The following MBNL1 variants were observed in gnomAD, a reference collection of about 807,000 sequenced individuals.
MBNL1 encodes muscleblind-like protein 1.
In MBNL1, 8 loss-of-function variants were observed where a neutral mutation model predicts 42.2. The ratio of observed to expected loss-of-function variants is 0.19; its 90% confidence interval spans 0.11 to 0.34. The LOEUF (loss-of-function observed/expected upper bound fraction) is 0.34, where lower values mean the gene tolerates loss of function less well. Ranked by LOEUF, MBNL1 falls within the 10% of genes least tolerant of loss-of-function variation. The pLI, the probability that MBNL1 is intolerant of heterozygous loss-of-function variation, is 1.00. For missense variants in MBNL1, 309 were observed against 495.3 expected (o/e 0.62, Z 3.57); for synonymous variants, 169 against 173.9 (o/e 0.97, Z 0.22).
chr3:152,396,479 C>T (rs2097943075), intron 2 of MBNL1, among the ~76,000 whole-genome samples: 1 of 152,078 alleles, frequency 6.6e-6, no homozygotes, highest in African/African-American at 2.4e-5. Context: ...AATCCTTTCA[C>T]CTCTCTGAGC....
intron 3 of MBNL1, among the ~76,000 whole-genome samples, chr3:152,431,902 A>G (rs1306223412): frequency 6.6e-6 from 1 of 152,242 alleles, no homozygotes; most frequent in Non-Finnish European, 1.5e-5. Context: ...TTGCATATCA[A>G]CAAATAGAAA....
chr3:152,316,236 C>T (rs767375161), intron 2 of MBNL1, among the ~76,000 whole-genome samples: 1 of 152,162 alleles, frequency 6.6e-6, no homozygotes, highest in Admixed American at 6.5e-5. Flanking sequence ...AAAAAATGCA[C>T]GTTAAACCTG....
intron 2 of MBNL1, among the ~76,000 whole-genome samples, chr3:152,373,603 C>G (rs1207893070): frequency 2.6e-5 from 4 of 152,104 alleles, no homozygotes; most frequent in Non-Finnish European, 5.9e-5. Context: ...TGAGGTGATG[C>G]ACCCCCCCTG....
intron 2 of MBNL1, among the ~76,000 whole-genome samples, chr3:152,356,151 A>T (rs1011822329): frequency 1.3e-5 from 2 of 152,136 alleles, no homozygotes; most frequent in African/African-American, 4.8e-5. Context: ...CTAAGAAAAA[A>T]AATCTAACTT....
rs2098743272 is a variant in MBNL1 at position 152,418,628 on chromosome 3, AAAAG to A, written c.345+3519_345+3522del. Reference sequence around the variant, plus strand: ...GACCCTGTCTCTAAAAAAAAAAAAAAAAAGAGAGAGAGAGAGAGAGATCTCTGAC... The same window carrying A: ...GACCCTGTCTCTAAAAAAAAAAAAAAAGAGAGAGAGAGAGAGATCTCTGAC... On this transcript the variant is annotated intron_variant, in intron 3 of 9. Transcript: ENST00000324210. 2.0e-5 allele frequency among the ~76,000 whole-genome samples: 3 copies of A among 150,532 alleles called. No individual in the cohort carries two copies. The South Asian group carries it at 6.3e-4, about 32-fold the overall frequency.
intron 2 of MBNL1, among the ~76,000 whole-genome samples, chr3:152,387,076 G>A (rs1166527311): frequency 6.6e-6 from 1 of 152,018 alleles, no homozygotes; most frequent in Non-Finnish European, 1.5e-5. Context: ...AGCTTTAATA[G>A]TCTTTAGTTC....
At chr3:152,424,667 C>T (rs2098880642) in intron 3 of MBNL1, among the ~76,000 whole-genome samples, 1 of 152,064 alleles carries the variant, frequency 6.6e-6, no homozygotes, top group African/African-American at 2.4e-5. Flanking sequence ...ATCACACTAC[C>T]TGACTTCATA....
chr3:152,259,639 AAG>A (rs1267914621), intron 2 of MBNL1, among the ~76,000 whole-genome samples: 1 of 152,234 alleles, frequency 6.6e-6, no homozygotes, highest in Non-Finnish European at 1.5e-5. Flanking sequence ...CTGCAACAGC[AAG>A]AGCATAGTAC....
intron 2 of MBNL1, among the ~76,000 whole-genome samples, chr3:152,411,292 TG>T (rs1342918425): frequency 2.0e-5 from 3 of 152,146 alleles, no homozygotes; most frequent in African/African-American, 2.4e-5. Context: ...GAGGCCAAGA[TG>T]GGTGGATCAT....
Position 152,282,985 on chromosome 3 carries a change from G to T in MBNL1, c.-790+13893G>T, listed in dbSNP as rs150520357. ...GCAGAATGCTGTGACAGCCAGGGCT[G>T]ATACAGCTGAAAATATCTGCAGCTT... On this transcript the variant is annotated intron_variant, in intron 1 of 9. Coordinates refer to ENST00000324210, the MANE Select transcript of MBNL1 (RefSeq NM_021038.5). Among the ~76,000 whole-genome samples, 26 of 152,324 alleles carry T rather than the reference G, an allele frequency of 1.7e-4. No individual in the cohort carries two copies. In the East Asian group the frequency reaches 3.7e-3, roughly 21 times the overall value.
intron 2 of MBNL1, among the ~76,000 whole-genome samples, chr3:152,357,344 T>C (rs1313184622): frequency 6.6e-6 from 1 of 152,208 alleles, no homozygotes; most frequent in African/African-American, 2.4e-5. Flanking sequence ...TAGAGCCAAT[T>C]TTCTTATCGC....
intron 4 of MBNL1, among the ~76,000 whole-genome samples, chr3:152,437,629 T>C (rs961518150): frequency 6.6e-6 from 1 of 152,202 alleles, no homozygotes; most frequent in African/African-American, 2.4e-5. Flanking sequence ...TTTTTAAAAA[T>C]TATATACATA....
intron 2 of MBNL1, among the ~76,000 whole-genome samples, chr3:152,386,622 A>G (rs747331096): frequency 6.6e-6 from 1 of 152,090 alleles, no homozygotes; most frequent in Non-Finnish European, 1.5e-5. Flanking sequence ...TGTACAGATG[A>G]TACATCTATC....
chr3:152,323,707 C>G (rs979360705), intron 2 of MBNL1, among the ~76,000 whole-genome samples: 2 of 152,104 alleles, frequency 1.3e-5, no homozygotes, highest in Non-Finnish European at 2.9e-5. Flanking sequence ...TCAAAACATA[C>G]TCAAACGTAG....
intron 2 of MBNL1, among the ~76,000 whole-genome samples, chr3:152,301,165 G>C (rs1190371259): frequency 6.6e-6 from 1 of 152,050 alleles, no homozygotes; most frequent in African/African-American, 2.4e-5. Flanking sequence ...ATTTACTTTA[G>C]TGTTTCTTGA....
chr3:152,267,147 GCCTCAAT>G (rs1337137388), upstream of MBNL1: 1 of 152,506 alleles, frequency 6.6e-6, no homozygotes, highest in Non-Finnish European at 1.5e-5. Flanking sequence ...CAAACTCCTG[GCCTCAAT>G]CCTCCCTCCA....
chr3:152,426,939 T>C (rs2098940914), intron 3 of MBNL1, among the ~76,000 whole-genome samples: 1 of 152,262 alleles, frequency 6.6e-6, no homozygotes, highest in Non-Finnish European at 1.5e-5. Context: ...TGCAGAATGC[T>C]TTGAAGTCAT....
chr3:152,256,165 T>A (rs323622), intron 2 of MBNL1, among the ~76,000 whole-genome samples: 70,187 of 152,040 alleles, frequency 0.46, 17,511 homozygotes, highest in South Asian at 0.58. Context: ...ACTACATAGG[T>A]AAAAGTTTCA....
chr3:152,343,305 C>T (rs77700728), intron 2 of MBNL1, among the ~76,000 whole-genome samples: 4,684 of 152,186 alleles, frequency 0.031, 238 homozygotes, highest in African/African-American at 0.11. Context: ...GTTGGGACTC[C>T]AGTCCTGAAG....
Sources: allele counts gnomAD v4.1 joint callset (sites outside exome capture counted in the v4.1 genomes callset), GRCh38; gene constraint gnomAD v4.1.1; transcripts MANE v1.5; gene names NCBI Gene and HGNC (gene_info 2026-07-23, HGNC 2026-07-21).